FRMD4A: variants seen among roughly 807,000 people sequenced by gnomAD.
FRMD4A encodes FERM domain containing 4A, also known as FERM domain-containing protein 4A.
A neutral mutation model predicts 129.1 loss-of-function variants in FRMD4A; 29 were observed. The ratio of observed to expected loss-of-function variants is 0.22; its 90% CI spans 0.17 to 0.31. The LOEUF is 0.31. FRMD4A is among the 10% of genes least tolerant of loss of function. The probability of loss-of-function intolerance (pLI) is 1.00; values close to 1 mark genes in which losing one functional copy is unlikely to be tolerated. For missense variants in FRMD4A, 1,272 were observed against 1,375.8 expected (o/e 0.92, Z 1.19); for synonymous variants, 634 against 571.6 (o/e 1.11, Z -1.56).
At chr10:13,676,225 C>T (rs1356662728) in intron 15 of FRMD4A, among the ~76,000 whole-genome samples, 1 of 151,996 alleles carries the variant, frequency 6.6e-6, no homozygotes, top group East Asian at 1.9e-4. Context: ...GGAACACTGA[C>T]TCTCTACAAA....
At chr10:14,049,619 A>G (rs914641587) in intron 2 of FRMD4A, among the ~76,000 whole-genome samples, 1 of 152,170 alleles carries the variant, frequency 6.6e-6, no homozygotes, top group Non-Finnish European at 1.5e-5. Flanking sequence ...CTGTGGAAAG[A>G]TTTGATTAAA....
chr10:14,083,625 T>A (rs1327434704), intron 2 of FRMD4A: 2 of 152,254 alleles, frequency 1.3e-5, no homozygotes, highest in Non-Finnish European at 2.9e-5. Flanking sequence ...AAGTTGTGAA[T>A]TTGACAGAGG....
chr10:14,054,666 T>C (rs1335491939), intron 2 of FRMD4A, among the ~76,000 whole-genome samples: 1 of 152,050 alleles, frequency 6.6e-6, no homozygotes, highest in East Asian at 1.9e-4. Flanking sequence ...GGAGAAACTG[T>C]CCCCTCCAAT....
chr10:14,155,208 T>G (rs952047416), intron 2 of FRMD4A, among the ~76,000 whole-genome samples: 1 of 152,196 alleles, frequency 6.6e-6, no homozygotes, highest in African/African-American at 2.4e-5. Context: ...GGCAGGAGGA[T>G]CACTTGAGCC....
intron 2 of FRMD4A, among the ~76,000 whole-genome samples, chr10:14,122,834 A>G (rs899747216): frequency 3.9e-5 from 6 of 152,196 alleles, no homozygotes; most frequent in Admixed American, 3.9e-4. Flanking sequence ...ATGTTTCAAT[A>G]CATATACTGT....
intron 12 of FRMD4A, among the ~76,000 whole-genome samples, chr10:13,726,677 C>T (rs1479294234): frequency 2.0e-5 from 3 of 152,180 alleles, no homozygotes; most frequent in East Asian, 1.9e-4. Flanking sequence ...TGCTCTGTTG[C>T]CCAGGCTGGA....
chr10:14,005,139 C>CA (rs1220315986), intron 2 of FRMD4A, among the ~76,000 whole-genome samples: 1 of 152,112 alleles, frequency 6.6e-6, no homozygotes, highest in African/African-American at 2.4e-5. Flanking sequence ...TCCCCTGCCA[C>CA]AGCCTCCTGA....
chr10:14,052,225 C>T (rs4748083), intron 2 of FRMD4A, among the ~76,000 whole-genome samples: 3 of 151,824 alleles, frequency 2.0e-5, no homozygotes, highest in African/African-American at 4.8e-5. Context: ...CCTTGACTTT[C>T]GACTTTCAGC....
At chr10:14,321,130 T>C (rs1251195565) in intron 2 of FRMD4A, among the ~76,000 whole-genome samples, 1 of 152,154 alleles carries the variant, frequency 6.6e-6, no homozygotes, top group Non-Finnish European at 1.5e-5. Context: ...TTCTGTCTGG[T>C]TCACCACTGT....
At chr10:13,738,118 G>A (rs9633782) in intron 11 of FRMD4A, among the ~76,000 whole-genome samples, 188 bp from the exon 12 acceptor site, 101,058 of 152,054 alleles carry the variant, frequency 0.66, 34,227 homozygotes, top group African/African-American at 0.74. Flanking sequence ...TATGTGAAGA[G>A]GGTGACATGG....
At position 13,666,080 on chromosome 10, in the gene FRMD4A, G is replaced by C; in HGVS notation, c.1603+17C>G. 1 of 1,516,528 alleles carries C rather than the reference G, an allele frequency of 6.6e-7. No homozygotes were observed. Among genetic ancestry groups the C allele is most frequent in the African/African-American group, 1.4e-5 (1 of 73,114 alleles). The allele number at this position is 1,516,528 out of a possible 1,614,324, so 93.9% of individuals were successfully genotyped here. On this transcript the variant is annotated intron_variant, in intron 18 of 24. Transcript: ENST00000357447. ...CGGGCGTGGGAGTGGGGTGGGGGCA[G>C]CCCGGTTGGCACTGACCGTCTATGA...
At chr10:14,089,644 C>CAAAAAAAAAAAAAAAA (rs72412046) in intron 2 of FRMD4A, among the ~76,000 whole-genome samples, 1 of 131,902 alleles carries the variant, frequency 7.6e-6, no homozygotes, top group African/African-American at 2.9e-5. Context: ...AAAAAACAAA[C>CAAAAAAAAAAAAAAAA]AAAAAAAAAA....
intron 2 of FRMD4A, among the ~76,000 whole-genome samples, chr10:14,159,268 T>C (rs1046197239): frequency 8.5e-5 from 13 of 152,230 alleles, no homozygotes; most frequent in African/African-American, 3.1e-4. Context: ...TTGAGCCACA[T>C]TGCTAATTTT....
intron 2 of FRMD4A, among the ~76,000 whole-genome samples, chr10:14,166,982 G>A (rs1307508642): frequency 6.6e-6 from 1 of 152,108 alleles, no homozygotes; most frequent in Non-Finnish European, 1.5e-5. Context: ...AACATACAAT[G>A]GGATAAATAC....
chr10:14,070,902 A>T (rs1443857831), intron 2 of FRMD4A, among the ~76,000 whole-genome samples: 6 of 152,208 alleles, frequency 3.9e-5, no homozygotes, highest in Non-Finnish European at 7.3e-5. Context: ...GGAAGTTTCC[A>T]TAGCCTGTTA....
chr10:14,264,704 C>A (rs930474262), intron 2 of FRMD4A, among the ~76,000 whole-genome samples: 2 of 152,138 alleles, frequency 1.3e-5, no homozygotes, highest in Non-Finnish European at 2.9e-5. Context: ...CTTTTGCTTC[C>A]TCTAGATTTC....
chr10:13,842,708 A>G (rs1250752609), intron 3 of FRMD4A, among the ~76,000 whole-genome samples: 1 of 152,194 alleles, frequency 6.6e-6, no homozygotes, highest in Admixed American at 6.5e-5. Flanking sequence ...GATAAATGTT[A>G]TGTAAACTTT....
intron 2 of FRMD4A, among the ~76,000 whole-genome samples, chr10:13,947,612 A>G (rs1385205743): frequency 8.1e-6 from 1 of 122,776 alleles, no homozygotes; most frequent in Non-Finnish European, 1.9e-5. Context: ...ACACGTGCAC[A>G]CACACACACA....
intron 2 of FRMD4A, among the ~76,000 whole-genome samples, chr10:14,035,609 T>C (rs1365194194): frequency 6.6e-6 from 1 of 152,156 alleles, no homozygotes. Flanking sequence ...ATTTTTCTCC[T>C]GGGCTGCGTA....
Sources: allele counts gnomAD v4.1 joint callset (sites outside exome capture counted in the v4.1 genomes callset), GRCh38; gene constraint gnomAD v4.1.1; transcripts MANE v1.5; gene names NCBI Gene and HGNC (gene_info 2026-07-23, HGNC 2026-07-21).